The following SMYD3 variants were observed in gnomAD, a reference collection of about 807,000 sequenced individuals.
SMYD3 encodes the protein histone-lysine N-methyltransferase SMYD3.
A neutral mutation model predicts 57.7 loss-of-function variants in SMYD3; 36 were observed. The ratio of observed to expected loss-of-function variants is 0.62; its 90% confidence interval spans 0.48 to 0.82. The LOEUF is 0.82. SMYD3 is among the 40% of genes least tolerant of loss of function. The pLI, the probability that SMYD3 is intolerant of heterozygous loss-of-function variation, is 0.00. For synonymous variants in SMYD3, 211 were observed against 195.0 expected (o/e 1.08, Z -0.68); for missense variants, 515 against 538.8 (o/e 0.96, Z 0.44).
chr1:246,119,696 A>C (rs1171307283), intron 5 of SMYD3, among the ~76,000 whole-genome samples: 3 of 152,110 alleles, frequency 2.0e-5, no homozygotes, highest in African/African-American at 7.2e-5. Context: ...TACAGGCATA[A>C]GCCACCACAC....
intron 10 of SMYD3, among the ~76,000 whole-genome samples, chr1:245,821,156 G>C (rs1355070087): frequency 6.7e-6 from 1 of 149,910 alleles, no homozygotes; most frequent in East Asian, 2.0e-4. Context: ...ATACTACAAG[G>C]CTACAGTAAC....
chr1:245,915,036 T>C (rs945217884), intron 8 of SMYD3, among the ~76,000 whole-genome samples: 6 of 152,222 alleles, frequency 3.9e-5, no homozygotes, highest in African/African-American at 1.4e-4. Context: ...GGCAGTTTCA[T>C]GACTGGGTTT....
chr1:245,844,176 C>T (rs1194835432), intron 10 of SMYD3, among the ~76,000 whole-genome samples: 2 of 152,214 alleles, frequency 1.3e-5, no homozygotes, highest in African/African-American at 4.8e-5. Flanking sequence ...GTATCCCTCT[C>T]CTTCACAGTC....
At chr1:246,254,231 A>G (rs1234468036) in intron 5 of SMYD3, among the ~76,000 whole-genome samples, 1 of 152,174 alleles carries the variant, frequency 6.6e-6, no homozygotes, top group Non-Finnish European at 1.5e-5. Flanking sequence ...GCCAAAGTCT[A>G]TGTCCAGAAT....
Position 245,935,137 on chromosome 1 carries a change from G to A in SMYD3, c.532-5200C>T, listed in dbSNP as rs538800472. On this transcript the variant is annotated intron_variant, in intron 5 of 11. Coordinates refer to ENST00000490107, the MANE Select transcript of SMYD3 (RefSeq NM_001167740.2). ...GAGACAACCCACAGAGTGGGAGAAA[G>A]TATTTATAAACCATACAACGGATAA... Among the ~76,000 whole-genome samples the A allele has an allele frequency of 2.6e-5, 4 of 152,248 alleles. 1 individual carries two copies. In the South Asian group the frequency reaches 8.3e-4, roughly 32 times the overall value.
At chr1:246,163,460 C>T (rs1284703221) in intron 5 of SMYD3, among the ~76,000 whole-genome samples, 1 of 152,192 alleles carries the variant, frequency 6.6e-6, no homozygotes, top group Non-Finnish European at 1.5e-5. Context: ...TTCTAATCTT[C>T]ACCTACCTGC....
intron 7 of SMYD3, among the ~76,000 whole-genome samples, chr1:245,917,693 CTA>C (rs968958775): frequency 6.6e-6 from 1 of 152,326 alleles, no homozygotes; most frequent in Admixed American, 6.5e-5. Context: ...CTTACCTGCT[CTA>C]GTTTTTCTTT....
intron 5 of SMYD3, chr1:246,305,949 G>A (rs2064970030): frequency 6.6e-6 from 1 of 151,936 alleles, no homozygotes; most frequent in African/African-American, 2.4e-5. Context: ...ATTGTTGATA[G>A]GTGAGCCATG....
intron 5 of SMYD3, among the ~76,000 whole-genome samples, chr1:246,179,362 T>C (rs1426320567): frequency 1.3e-5 from 2 of 152,240 alleles, no homozygotes; most frequent in African/African-American, 2.4e-5. Flanking sequence ...TGAGGGGTCC[T>C]GATCTCTTGA....
chr1:246,086,217 T>C (rs1356418258), intron 5 of SMYD3, among the ~76,000 whole-genome samples: 3 of 152,104 alleles, frequency 2.0e-5, no homozygotes, highest in East Asian at 1.9e-4. Flanking sequence ...GGCTTAATAC[T>C]AGGATGGACC....
intron 5 of SMYD3, among the ~76,000 whole-genome samples, chr1:246,033,023 A>G (rs576930251): frequency 2.4e-4 from 37 of 152,366 alleles, no homozygotes; most frequent in African/African-American, 8.7e-4. Flanking sequence ...TGCAACTAGC[A>G]TACAACCGAG....
intron 1 of SMYD3, among the ~76,000 whole-genome samples, chr1:246,382,331 T>C (rs1328862867): frequency 6.6e-6 from 1 of 151,724 alleles, no homozygotes; most frequent in African/African-American, 2.4e-5. Flanking sequence ...CCAGGCTCAC[T>C]AGAATGCCAG....
At chr1:245,928,629 G>C (rs1284564298) in intron 6 of SMYD3, among the ~76,000 whole-genome samples, 1 of 151,802 alleles carries the variant, frequency 6.6e-6, no homozygotes, top group Non-Finnish European at 1.5e-5. Flanking sequence ...AGCCGAGATC[G>C]CACCACTGCA....
chr1:246,117,816 A>T (rs984441812), intron 5 of SMYD3, among the ~76,000 whole-genome samples: 4 of 149,416 alleles, frequency 2.7e-5, no homozygotes, highest in African/African-American at 1.0e-4. Flanking sequence ...TAACTACTTT[A>T]AAAACTTGGT....
chr1:246,442,564 A>G (rs1383463186), intron 1 of SMYD3, among the ~76,000 whole-genome samples: 2 of 151,164 alleles, frequency 1.3e-5, no homozygotes, highest in Non-Finnish European at 2.9e-5. Flanking sequence ...AAAATAAAAT[A>G]ATAAAAAAAG....
chr1:246,121,129 C>G (rs75608399), intron 5 of SMYD3, among the ~76,000 whole-genome samples: 1 of 152,122 alleles, frequency 6.6e-6, no homozygotes, highest in Non-Finnish European at 1.5e-5. Context: ...TCTCTAGCCC[C>G]TAATATGTAC....
chr1:246,261,723 T>C (rs1383701506), intron 5 of SMYD3, among the ~76,000 whole-genome samples: 2 of 152,060 alleles, frequency 1.3e-5, no homozygotes, highest in Non-Finnish European at 2.9e-5. Context: ...AAAAATCAGT[T>C]CTCTGTTGCA....
At chr1:246,478,348 T>C (rs1420880061) in intron 1 of SMYD3, among the ~76,000 whole-genome samples, 2 of 152,196 alleles carry the variant, frequency 1.3e-5, no homozygotes, top group Non-Finnish European at 2.9e-5. Context: ...TAAGTGCTCA[T>C]ATATGCACAC....
At chr1:246,506,989 G>GCCCCCCCCCCCCCCCCCCCCC in intron 1 of SMYD3, 65 bp downstream of exon 1, 11 of 649,306 alleles carry the variant, frequency 1.7e-5, no homozygotes, top group Non-Finnish European at 2.1e-5. Flanking sequence ...GCCGCCCGAC[G>GCCCCCCCCCCCCCCCCCCCCC]CCCCCCCCTC....
Sources: allele counts gnomAD v4.1 joint callset (sites outside exome capture counted in the v4.1 genomes callset), GRCh38; gene constraint gnomAD v4.1.1; transcripts MANE v1.5; gene names NCBI Gene and HGNC (gene_info 2026-07-23, HGNC 2026-07-21).